BTG3: variants seen among roughly 807,000 people sequenced by gnomAD.
The protein encoded by BTG3 is protein BTG3.
In BTG3, 4 loss-of-function variants were observed where a neutral mutation model predicts 25.8. The ratio of observed to expected loss-of-function variants is 0.16; its 90% CI spans 0.08 to 0.36. BTG3 has a LOEUF of 0.36. BTG3 is among the 10% of genes least tolerant of loss of function. The probability of loss-of-function intolerance (pLI) is 1.00; values close to 1 mark genes in which losing one functional copy is unlikely to be tolerated. For synonymous variants in BTG3, 107 were observed against 99.9 expected (o/e 1.07, Z -0.42); for missense variants, 201 against 304.9 (o/e 0.66, Z 2.54).
At chr21:17,609,919 ACAAT>A (rs1299561492) in intron 1 of BTG3, among the ~76,000 whole-genome samples, 2 of 152,352 alleles carry the variant, frequency 1.3e-5, no homozygotes, top group South Asian at 2.1e-4. Flanking sequence ...AAAAGTAAAA[ACAAT>A]CTATATGTTT....
At chr21:17,594,674 G>A (rs1035590025) in intron 4 of BTG3, among the ~76,000 whole-genome samples, 1 of 152,066 alleles carries the variant, frequency 6.6e-6, no homozygotes, top group Non-Finnish European at 1.5e-5. Flanking sequence ...TAAGCCAGGA[G>A]TCACTTGGAG....
intron 4 of BTG3, among the ~76,000 whole-genome samples, chr21:17,596,970 A>G (rs1471115414): frequency 2.0e-5 from 3 of 152,094 alleles, no homozygotes; most frequent in African/African-American, 4.8e-5. Flanking sequence ...AAACTTTTTT[A>G]AAGCTTGTGG....
intron 3 of BTG3, among the ~76,000 whole-genome samples, chr21:17,600,914 A>G (rs1414003994): frequency 6.6e-6 from 1 of 152,220 alleles, no homozygotes; most frequent in Non-Finnish European, 1.5e-5. Flanking sequence ...CTGTAATCCC[A>G]GCACTTTGGG....
At chr21:17,608,942 G>C (rs2061682955) in intron 2 of BTG3, 30 bp downstream of exon 2, 1 of 1,597,212 alleles carries the variant, frequency 6.3e-7, no homozygotes, top group African/African-American at 1.4e-5. Context: ...GGGTTGATCA[G>C]CCTCTGCTTA....
intron 4 of BTG3, among the ~76,000 whole-genome samples, chr21:17,594,831 T>TG (rs2123422804): frequency 6.6e-6 from 1 of 151,872 alleles, no homozygotes; most frequent in African/African-American, 2.4e-5. Context: ...CAATAGACAT[T>TG]GGAGTCTATT....
chr21:17,612,358 G>C (rs190686998), intron 1 of BTG3: 2 of 152,326 alleles, frequency 1.3e-5, no homozygotes, highest in African/African-American at 4.8e-5. Flanking sequence ...CGACGCGAAG[G>C]GGGTGGACAG....
At chr21:17,594,775 A>G (rs1419253520) in intron 4 of BTG3, among the ~76,000 whole-genome samples, 2 of 150,852 alleles carry the variant, frequency 1.3e-5, no homozygotes, top group Non-Finnish European at 3.0e-5. Flanking sequence ...GTTCTCACTT[A>G]TAAGTGGGAG....
intron 2 of BTG3, among the ~76,000 whole-genome samples, chr21:17,606,199 A>G (rs1191107181): frequency 2.0e-5 from 3 of 152,154 alleles, no homozygotes; most frequent in Admixed American, 6.5e-5. Context: ...CCTGTGAGTT[A>G]GATACTTTTT....
intron 2 of BTG3, 80 bp downstream of exon 2, chr21:17,608,892 C>G: frequency 4.3e-6 from 6 of 1,398,422 alleles, no homozygotes; most frequent in Non-Finnish European, 5.8e-6. Flanking sequence ...TAGGCATGGT[C>G]TGCACACCCT....
At chr21:17,612,501 G>GCCGCCCTCGCGGC (rs997010299) in intron 1 of BTG3, 198 bp downstream of exon 1, 7 of 149,560 alleles carry the variant, frequency 4.7e-5, no homozygotes, top group Non-Finnish European at 7.4e-5. Context: ...AGCCTCGCGG[G>GCCGCCCTCGCGGC]CCGCCCTCGC....
intron 2 of BTG3, 143 bp from the exon 3 acceptor site, chr21:17,605,140 A>C: frequency 1.1e-6 from 1 of 936,134 alleles, no homozygotes; most frequent in Non-Finnish European, 1.5e-6. Flanking sequence ...TATCTATCCT[A>C]AACAGATAAT....
At chr21:17,610,171 G>A (rs1326238776) in intron 1 of BTG3, among the ~76,000 whole-genome samples, 1 of 152,202 alleles carries the variant, frequency 6.6e-6, no homozygotes, top group African/African-American at 2.4e-5. Flanking sequence ...GGGGAAGTGG[G>A]AAACCAAGAA....
At chr21:17,599,760 G>GT (rs2123445201) in intron 3 of BTG3, among the ~76,000 whole-genome samples, 2 of 152,288 alleles carry the variant, frequency 1.3e-5, no homozygotes, top group Admixed American at 1.3e-4. Flanking sequence ...GTTTATAGGC[G>GT]TGAGCCATCA....
chr21:17,605,570 A>G (rs537577103), intron 2 of BTG3, among the ~76,000 whole-genome samples: 1 of 152,300 alleles, frequency 6.6e-6, no homozygotes, highest in African/African-American at 2.4e-5. Flanking sequence ...CCTAACTAAC[A>G]TGTTATTGGC....
chr21:17,604,892 A>G lies in BTG3; in HGVS notation c.279T>C (p.Thr93=). The change falls in exon 3 of 5, where the codon ACT becomes ACC. Residue 93 remains threonine (T), a synonymous_variant. Transcript: ENST00000348354. ...YSDLGLPKEL[T]LWVDPCEVCC... is the part of the protein sequence containing the mutation. ...ACACCTCACATGGGTCCACCCAGAG[A>G]GTGAGCTCCTTTGGCAAGCCCAGGT... 2.5e-6 allele frequency: 4 copies of G among 1,614,192 alleles called. No individual in the cohort carries two copies. The highest frequency in any genetic ancestry group is 3.4e-6 in the Non-Finnish European group (4 of 1,180,024).
intron 4 of BTG3, among the ~76,000 whole-genome samples, chr21:17,597,491 TAAAA>T (rs1182464665): frequency 6.6e-6 from 1 of 150,884 alleles, no homozygotes; most frequent in African/African-American, 2.4e-5. Context: ...GGAAGGATAC[TAAAA>T]AAAAGAAAAA....
At chr21:17,594,761 G>A (rs532831419) in intron 4 of BTG3, among the ~76,000 whole-genome samples, 63 of 151,794 alleles carry the variant, frequency 4.2e-4, no homozygotes, top group African/African-American at 1.5e-3. Flanking sequence ...ATCAACTACC[G>A]CATGTTCTCA....
At chr21:17,594,933 C>T (rs1178375569) in intron 4 of BTG3, among the ~76,000 whole-genome samples, 1 of 151,110 alleles carries the variant, frequency 6.6e-6, no homozygotes, top group Non-Finnish European at 1.5e-5. Flanking sequence ...ATATGTACAA[C>T]AAATCCCTGT....
intron 3 of BTG3, chr21:17,604,004 A>G (rs2123460617): frequency 3.3e-6 from 2 of 610,644 alleles, no homozygotes; most frequent in Non-Finnish European, 4.4e-6. Context: ...TGCCTGGTCC[A>G]CAAATAATGG....
Sources: gnomAD v4.1 joint callset for allele counts (sites outside exome capture counted in the v4.1 genomes callset) on GRCh38, gnomAD v4.1.1 for gene constraint, MANE v1.5 for transcripts, NCBI Gene and HGNC (gene_info 2026-07-23, HGNC 2026-07-21) for gene names.